ASIC2: variants seen among roughly 807,000 people sequenced by gnomAD.
ASIC2 encodes acid sensing ion channel subunit 2.
A neutral mutation model predicts 57.3 loss-of-function variants in ASIC2; 25 were observed. The ratio of observed to expected loss-of-function variants is 0.44; its 90% CI spans 0.32 to 0.61. The LOEUF (loss-of-function observed/expected upper bound fraction) is 0.61. Ranked by LOEUF, ASIC2 falls within the 20% of genes least tolerant of loss-of-function variation. The probability of loss-of-function intolerance (pLI) is 0.06; values close to 1 mark genes in which losing one functional copy is unlikely to be tolerated. For missense variants in ASIC2, 641 were observed against 738.1 expected (o/e 0.87, Z 1.52); for synonymous variants, 319 against 307.5 (o/e 1.04, Z -0.39).
chr17:33,152,520 G>A (rs1904842358), intron 1 of ASIC2, among the ~76,000 whole-genome samples: 1 of 152,216 alleles, frequency 6.6e-6, no homozygotes, highest in Admixed American at 6.5e-5. Flanking sequence ...AACAAAGGCA[G>A]AGATGTAGGA....
At chr17:33,923,736 G>GTT (rs1256067075) in intron 1 of ASIC2, among the ~76,000 whole-genome samples, 1 of 152,188 alleles carries the variant, frequency 6.6e-6, no homozygotes. Context: ...TGTCAAACAG[G>GTT]TGTAAAAATG....
chr17:34,127,752 G>T (rs1911830883), intron 1 of ASIC2, among the ~76,000 whole-genome samples: 2 of 152,184 alleles, frequency 1.3e-5, no homozygotes, highest in East Asian at 1.9e-4. Flanking sequence ...AGAAGGGAGG[G>T]CTGAACTCAA....
chr17:33,219,014 G>C (rs535994201), intron 1 of ASIC2, among the ~76,000 whole-genome samples: 2 of 152,296 alleles, frequency 1.3e-5, no homozygotes, highest in African/African-American at 4.8e-5. Flanking sequence ...TGCAGTGGGT[G>C]GTTAGAGCTG....
At chr17:33,764,041 C>A (rs1466774943) in intron 1 of ASIC2, among the ~76,000 whole-genome samples, 2 of 152,138 alleles carry the variant, frequency 1.3e-5, no homozygotes, top group Non-Finnish European at 2.9e-5. Flanking sequence ...CGCCTGTAAT[C>A]CCAGCACTTT....
chr17:33,118,334 T>C (rs1223947142), intron 1 of ASIC2, among the ~76,000 whole-genome samples: 1 of 152,188 alleles, frequency 6.6e-6, no homozygotes, highest in Non-Finnish European at 1.5e-5. Flanking sequence ...CGTTAACTTT[T>C]GCAACAGCTC....
intron 1 of ASIC2, among the ~76,000 whole-genome samples, chr17:33,722,420 A>G (rs530413175): frequency 6.6e-6 from 1 of 152,312 alleles, no homozygotes; most frequent in South Asian, 2.1e-4. Flanking sequence ...AAAAAGACAA[A>G]CAACTTAAAG....
At chr17:33,426,021 C>T (rs1911208469) in intron 1 of ASIC2, among the ~76,000 whole-genome samples, 1 of 152,168 alleles carries the variant, frequency 6.6e-6, no homozygotes, top group Non-Finnish European at 1.5e-5. Flanking sequence ...ACTTCTGCTC[C>T]TCCTGTGTTC....
chr17:34,000,810 A>T (rs1372131042), intron 1 of ASIC2: 1 of 151,970 alleles, frequency 6.6e-6, no homozygotes, highest in Non-Finnish European at 1.5e-5. Context: ...ATTTCAAATT[A>T]CCTGTCTTTG....
chr17:33,807,097 C>T lies in ASIC2; in HGVS notation c.555+348881G>A, dbSNP rs546715491. Among the ~76,000 whole-genome samples the T allele has an allele frequency of 7.2e-5, 11 of 152,316 alleles. No individual in the cohort carries two copies. The South Asian group carries it at 1.9e-3, about 26-fold the overall frequency. On this transcript the variant is annotated intron_variant, in intron 1 of 9. Transcript: ENST00000359872. ...CAGTCACAGACAGCATCTTCCCCTA[C>T]ACTCCAGGAAAATGCAGAAATGCTC...
chr17:33,405,823 C>T (rs1433573474), intron 1 of ASIC2, among the ~76,000 whole-genome samples: 3 of 152,118 alleles, frequency 2.0e-5, no homozygotes, highest in African/African-American at 7.2e-5. Context: ...CAGTTCAGAG[C>T]CCATACCCTG....
At chr17:33,356,843 G>T (rs1174896838) in intron 1 of ASIC2, among the ~76,000 whole-genome samples, 1 of 151,996 alleles carries the variant, frequency 6.6e-6, no homozygotes, top group Non-Finnish European at 1.5e-5. Flanking sequence ...GGATGCTGGG[G>T]GTGTGTGTCT....
chr17:33,205,531 G>A (rs533541536), intron 1 of ASIC2, among the ~76,000 whole-genome samples: 1 of 152,196 alleles, frequency 6.6e-6, no homozygotes, highest in Non-Finnish European at 1.5e-5. Flanking sequence ...TCATAATTTA[G>A]CATTTGAAAA....
At chr17:33,708,385 GT>G (rs143931597) in intron 1 of ASIC2, among the ~76,000 whole-genome samples, 4,685 of 151,912 alleles carry the variant, frequency 0.031, 221 homozygotes, top group African/African-American at 0.1. Flanking sequence ...ATATTTCTCT[GT>G]TTTTTTTCCT....
At chr17:34,084,569 T>G (rs1021064078) in intron 1 of ASIC2, among the ~76,000 whole-genome samples, 8 of 152,228 alleles carry the variant, frequency 5.3e-5, no homozygotes, top group African/African-American at 1.9e-4. Flanking sequence ...TTTTTTCCAA[T>G]TCTGTGAAGA....
intron 1 of ASIC2, among the ~76,000 whole-genome samples, chr17:33,345,655 A>G (rs1907913786): frequency 6.6e-6 from 1 of 152,262 alleles, no homozygotes; most frequent in Non-Finnish European, 1.5e-5. Context: ...AAGGAAGAAG[A>G]CAAACGCAAA....
rs1174620409 is a variant in ASIC2, at chr17:33,248,908, TC to T, written c.708+42499del. ...TCCAAGCAAGGCAACATTTACAGCT[TC>T]CTGGGGTTGGTACTTGGTATTTTTG... On this transcript the variant is annotated intron_variant, in intron 1 of 9. Transcript: ENST00000225823. 2.0e-5 allele frequency among the ~76,000 whole-genome samples: 3 copies of T among 152,200 alleles called. No homozygotes were observed. The East Asian group carries it at 5.8e-4, about 29-fold the overall frequency.
chr17:33,141,265 G>C (rs1294276936), intron 1 of ASIC2, among the ~76,000 whole-genome samples: 3 of 152,226 alleles, frequency 2.0e-5, no homozygotes, highest in Admixed American at 6.5e-5. Flanking sequence ...CTTTCTCCCA[G>C]CCTCTAGGCT....
intron 1 of ASIC2, among the ~76,000 whole-genome samples, chr17:33,298,442 G>C (rs917863293): frequency 6.6e-6 from 1 of 152,094 alleles, no homozygotes; most frequent in Non-Finnish European, 1.5e-5. Flanking sequence ...ATTTTTTATG[G>C]CTGCATAGTA....
chr17:33,565,557 C>A (rs1916207892), intron 1 of ASIC2, among the ~76,000 whole-genome samples: 1 of 152,204 alleles, frequency 6.6e-6, no homozygotes, highest in South Asian at 2.1e-4. Context: ...CCATGCACGT[C>A]CTCATCTTCC....
Sources: allele counts gnomAD v4.1 joint callset (sites outside exome capture counted in the v4.1 genomes callset), GRCh38; gene constraint gnomAD v4.1.1; transcripts MANE v1.5; gene names NCBI Gene and HGNC (gene_info 2026-07-23, HGNC 2026-07-21).